Variants in LHFPL6 observed in about 807,000 individuals in gnomAD.
The protein encoded by LHFPL6 is LHFPL tetraspan subfamily member 6 protein.
LHFPL6 carries 9 observed loss-of-function variants against 20.6 expected under a neutral mutation model. That is an observed-to-expected ratio of 0.44 (90% CI 0.26 to 0.76). The LOEUF (loss-of-function observed/expected upper bound fraction) is 0.76, where lower values mean the gene tolerates loss of function less well. Among genes scored for constraint, LHFPL6 ranks in the 30% least tolerant of loss-of-function variants. The pLI is 0.20. For missense variants in LHFPL6, 218 were observed against 253.5 expected (o/e 0.86, Z 0.95); for synonymous variants, 105 against 98.7 (o/e 1.06, Z -0.38).
chr13:39,479,030 T>C (rs1868403616), intron 2 of LHFPL6, among the ~76,000 whole-genome samples: 2 of 127,906 alleles, frequency 1.6e-5, no homozygotes, highest in South Asian at 5.8e-4. Context: ...CAATGGGAGA[T>C]AGATATAGAT....
intron 3 of LHFPL6, among the ~76,000 whole-genome samples, chr13:39,377,080 C>T (rs1485659348): frequency 2.6e-5 from 4 of 152,170 alleles, no homozygotes; most frequent in South Asian, 2.1e-4. Flanking sequence ...TTCTTACCTC[C>T]GGCAATACAA....
chr13:39,370,400 A>G (rs1870135329), intron 3 of LHFPL6, among the ~76,000 whole-genome samples: 1 of 152,208 alleles, frequency 6.6e-6, no homozygotes, highest in Non-Finnish European at 1.5e-5. Context: ...CTTGGATTTA[A>G]GTGTCAAAAG....
At chr13:39,600,301 A>G (rs1246158251) in intron 2 of LHFPL6, among the ~76,000 whole-genome samples, 1 of 152,268 alleles carries the variant, frequency 6.6e-6, no homozygotes, top group African/African-American at 2.4e-5. Context: ...TAGTTGTTAT[A>G]TAAAACTGAT....
intron 2 of LHFPL6, among the ~76,000 whole-genome samples, chr13:39,512,294 A>C (rs1028916390): frequency 8.5e-5 from 13 of 152,112 alleles, no homozygotes. Flanking sequence ...TTTTCAAAAC[A>C]GGTCAAACAT....
intron 2 of LHFPL6, among the ~76,000 whole-genome samples, chr13:39,496,408 T>C (rs1869102372): frequency 6.6e-6 from 1 of 152,208 alleles, no homozygotes; most frequent in Non-Finnish European, 1.5e-5. Flanking sequence ...GTAGGATTTC[T>C]ATATATGAAT....
At chr13:39,430,684 G>T (rs540336854) in intron 2 of LHFPL6, among the ~76,000 whole-genome samples, 3 of 152,134 alleles carry the variant, frequency 2.0e-5, no homozygotes, top group Non-Finnish European at 4.4e-5. Context: ...TCAGCGCTCT[G>T]CGTCTAGCTA....
chr13:39,453,834 G>A (rs1193234775), intron 2 of LHFPL6, among the ~76,000 whole-genome samples: 1 of 152,178 alleles, frequency 6.6e-6, no homozygotes, highest in African/African-American at 2.4e-5. Context: ...CAAGCAAGTC[G>A]TGTGTGATAT....
At chr13:39,446,902 T>A (rs1462466657) in intron 2 of LHFPL6, among the ~76,000 whole-genome samples, 2 of 151,934 alleles carry the variant, frequency 1.3e-5, no homozygotes, top group Non-Finnish European at 2.9e-5. Flanking sequence ...GAATAAGGAG[T>A]GTAATCAATG....
At chr13:39,440,992 C>A (rs150421421) in intron 2 of LHFPL6, among the ~76,000 whole-genome samples, 8 of 152,186 alleles carry the variant, frequency 5.3e-5, no homozygotes, top group South Asian at 4.2e-4. Flanking sequence ...GCCTCCCCCC[C>A]AGCCATGCGA....
intron 2 of LHFPL6, among the ~76,000 whole-genome samples, chr13:39,558,239 G>A (rs897462972): frequency 6.6e-6 from 1 of 152,078 alleles, no homozygotes; most frequent in Non-Finnish European, 1.5e-5. Flanking sequence ...GTGGGGCCTT[G>A]GACAGGTCAC....
At chr13:39,592,001 C>A (rs1042214574) in intron 2 of LHFPL6, among the ~76,000 whole-genome samples, 1 of 151,584 alleles carries the variant, frequency 6.6e-6, no homozygotes, top group Non-Finnish European at 1.5e-5. Context: ...GAGGCCAAGG[C>A]GGGAGAATCG....
At chr13:39,511,084 G>A (rs1869687291) in intron 2 of LHFPL6, among the ~76,000 whole-genome samples, 1 of 151,844 alleles carries the variant, frequency 6.6e-6, no homozygotes, top group African/African-American at 2.4e-5. Context: ...TGTTGGCCAG[G>A]CTGTTCTCAA....
chr13:39,539,050 CA>C (rs1452599597), intron 2 of LHFPL6, among the ~76,000 whole-genome samples: 1 of 152,052 alleles, frequency 6.6e-6, no homozygotes, highest in African/African-American at 2.4e-5. Context: ...GGCTGTGTTT[CA>C]GTAATGCTTT....
chr13:39,581,586 T>C (rs1872286146), intron 2 of LHFPL6, among the ~76,000 whole-genome samples: 3 of 72,858 alleles, frequency 4.1e-5, no homozygotes, highest in African/African-American at 1.5e-4. Context: ...GCTTTCACAA[T>C]CTCTCTCTCT....
At chr13:39,435,579 G>GTTA (rs1483044919) in intron 2 of LHFPL6, among the ~76,000 whole-genome samples, 1 of 152,152 alleles carries the variant, frequency 6.6e-6, no homozygotes, top group Non-Finnish European at 1.5e-5. Flanking sequence ...ACAGAATTAT[G>GTTA]CGTGAGTAAA....
rs1021684494 is a variant in LHFPL6 at position 39,567,727 on chromosome 13, C to T, written c.385+33105G>A. ...TGGATTTGGCCCTGGGGCATAGTTT[C>T]CTACTCTTTTTATAGAGCAGGGATG... On this transcript the variant is annotated intron_variant, in intron 2 of 3. Transcript: ENST00000379589. Among the ~76,000 whole-genome samples the T allele has an allele frequency of 3.3e-5, 5 of 152,244 alleles. No homozygotes were observed. The South Asian group carries it at 1.0e-3, about 31-fold the overall frequency.
chr13:39,545,644 T>A (rs1050627056), intron 2 of LHFPL6, among the ~76,000 whole-genome samples: 1 of 152,146 alleles, frequency 6.6e-6, no homozygotes, highest in Non-Finnish European at 1.5e-5. Flanking sequence ...GTCCTTGATA[T>A]GAAATGGCAT....
intron 2 of LHFPL6, among the ~76,000 whole-genome samples, chr13:39,410,495 G>A (rs1461266797): frequency 6.6e-6 from 1 of 152,054 alleles, no homozygotes; most frequent in Non-Finnish European, 1.5e-5. Context: ...TCTCCATCTA[G>A]GATCTAAACA....
intron 2 of LHFPL6, among the ~76,000 whole-genome samples, chr13:39,583,283 C>G (rs926562989): frequency 6.6e-6 from 1 of 151,704 alleles, no homozygotes; most frequent in Admixed American, 6.6e-5. Context: ...AGTGATCCTC[C>G]CCCCTCAGCC....
Sources: allele counts gnomAD v4.1 joint callset (sites outside exome capture counted in the v4.1 genomes callset), GRCh38; gene constraint gnomAD v4.1.1; transcripts MANE v1.5; gene names NCBI Gene and HGNC (gene_info 2026-07-23, HGNC 2026-07-21).